The following RBFOX1 variants were observed in gnomAD, a reference collection of about 807,000 sequenced individuals.
RBFOX1 encodes the protein RNA binding fox-1 homolog 1.
Under a neutral mutation model 57.7 loss-of-function variants are expected in RBFOX1, and 8 were observed. The ratio of observed to expected loss-of-function variants is 0.14; its 90% CI spans 0.08 to 0.25. RBFOX1 has a LOEUF of 0.25. Ranked by LOEUF, RBFOX1 falls within the 10% of genes least tolerant of loss-of-function variation. The pLI, the probability that RBFOX1 is intolerant of heterozygous loss-of-function variation, is 1.00. For synonymous variants in RBFOX1, 326 were observed against 222.4 expected, an observed-to-expected ratio of 1.47 and a Z score of -4.15; for missense variants, 611 against 548.5, an observed-to-expected ratio of 1.11 and a Z score of -1.14.
At chr16:5,313,267 C>T (rs765516413) in intron 1 of RBFOX1, among the ~76,000 whole-genome samples, 3 of 152,092 alleles carry the variant, frequency 2.0e-5, no homozygotes, top group Admixed American at 6.5e-5. Flanking sequence ...CTCCAAAGTC[C>T]TCTGGGAGGT....
intron 1 of RBFOX1, among the ~76,000 whole-genome samples, chr16:6,057,782 C>T (rs1393603893): frequency 6.6e-6 from 1 of 151,082 alleles, no homozygotes; most frequent in Non-Finnish European, 1.5e-5. Context: ...TTGCCAAGCC[C>T]CCACCCCTGG....
intron 3 of RBFOX1, among the ~76,000 whole-genome samples, chr16:5,769,589 G>A (rs1323291863): frequency 3.3e-5 from 5 of 152,108 alleles, no homozygotes; most frequent in Non-Finnish European, 7.4e-5. Context: ...GAAGGAGGAG[G>A]TTGCGGTGAG....
At chr16:7,160,656 T>C (rs1045378740) in intron 4 of RBFOX1, among the ~76,000 whole-genome samples, 8 of 152,206 alleles carry the variant, frequency 5.3e-5, no homozygotes, top group African/African-American at 1.7e-4. Flanking sequence ...GTTATGTCTT[T>C]TTGAGGCATA....
intron 2 of RBFOX1, among the ~76,000 whole-genome samples, chr16:6,397,943 C>T (rs941963744): frequency 6.6e-6 from 1 of 151,940 alleles, no homozygotes; most frequent in Non-Finnish European, 1.5e-5. Context: ...CAAAATGAGA[C>T]TGAAAAAGGG....
intron 4 of RBFOX1, among the ~76,000 whole-genome samples, chr16:6,000,449 T>C (rs926394995): frequency 6.6e-6 from 1 of 152,164 alleles, no homozygotes; most frequent in African/African-American, 2.4e-5. Flanking sequence ...GGGCAGGTGG[T>C]GCTGAACACA....
chr16:7,294,502 G>T (rs975420169), intron 4 of RBFOX1, among the ~76,000 whole-genome samples: 2 of 149,252 alleles, frequency 1.3e-5, no homozygotes, highest in African/African-American at 2.5e-5. Flanking sequence ...TGCCAGAAAT[G>T]ATGATAGGAA....
intron 2 of RBFOX1, among the ~76,000 whole-genome samples, chr16:6,331,511 G>A (rs2083023892): frequency 6.6e-6 from 1 of 150,474 alleles, no homozygotes. Flanking sequence ...ATAAATGGAA[G>A]GATCCTCCAT....
intron 4 of RBFOX1, among the ~76,000 whole-genome samples, chr16:7,517,710 C>T (rs1335435875): frequency 3.9e-5 from 6 of 151,918 alleles, no homozygotes; most frequent in East Asian, 1.9e-4. Context: ...AGAACACACA[C>T]GTTCAATTTA....
intron 2 of RBFOX1, among the ~76,000 whole-genome samples, chr16:5,579,800 C>T (rs2046600136): frequency 1.3e-5 from 2 of 151,432 alleles, no homozygotes; most frequent in Admixed American, 6.6e-5. Flanking sequence ...CGCTCTGTTG[C>T]CTAGGCTGGG....
In RBFOX1 at chr16:7,311,948, A is replaced by C. The variant is rs574248048; in HGVS notation, c.28-206199A>C. Among the ~76,000 whole-genome samples the C allele has an allele frequency of 4.6e-3, 701 of 152,174 alleles. 2 individuals are homozygous for C. Among genetic ancestry groups the C allele is most frequent in the African/African-American group, 0.016 (658 of 41,504 alleles). ...ATAGTTTTTTTTTGTTTATTTGGGG[A>C]CTTAATTGCTCCTTCAGAAAAACAG... is the stretch of plus-strand genomic sequence containing the variant. On this transcript the variant is annotated intron_variant, in intron 4 of 15. Coordinates refer to ENST00000550418, the MANE Select transcript of RBFOX1 (RefSeq NM_018723.4).
At chr16:6,510,646 C>T (rs1033369810) in intron 2 of RBFOX1, among the ~76,000 whole-genome samples, 2 of 152,136 alleles carry the variant, frequency 1.3e-5, no homozygotes, top group Non-Finnish European at 2.9e-5. Context: ...TTTTAATAGT[C>T]TGTATCCCTC....
Position 7,346,359 on chromosome 16 carries a change from T to C in RBFOX1, c.28-171788T>C, listed in dbSNP as rs183195618. Among the ~76,000 whole-genome samples, 371 of 150,978 alleles carry C rather than the reference T, an allele frequency of 2.5e-3. 5 individuals carry two copies. The highest frequency in any genetic ancestry group is 6.5e-4 in the Non-Finnish European group (44 of 67,840). On this transcript the variant is annotated intron_variant, in intron 4 of 15. Transcript: ENST00000550418. ...AGGAGCATTCTACCCAAGAGGGCAGTGTATTTTCTTTAGTATTTGGTTCTA... is the reference window on the plus strand; with the variant it reads ...AGGAGCATTCTACCCAAGAGGGCAGCGTATTTTCTTTAGTATTTGGTTCTA...
At chr16:6,889,221 C>T (rs1409885431) in intron 3 of RBFOX1, among the ~76,000 whole-genome samples, 1 of 152,152 alleles carries the variant, frequency 6.6e-6, no homozygotes, top group African/African-American at 2.4e-5. Context: ...TGAGCCTTTC[C>T]ATGAAAGTGA....
In RBFOX1 at chr16:7,349,206, G is replaced by C. The variant is rs552252237; in HGVS notation, c.28-168941G>C. ...CTAAAACTTGGGTTAAAAATCAGGC[G>C]GCTCAAGAGATCAAGATATCTTCCT... On this transcript the variant is annotated intron_variant, in intron 4 of 15. Coordinates refer to ENST00000550418, the MANE Select transcript of RBFOX1 (RefSeq NM_018723.4). 1.3e-4 allele frequency among the ~76,000 whole-genome samples: 20 copies of C among 152,200 alleles called. No homozygotes were observed. The South Asian group carries it at 2.9e-3, about 22-fold the overall frequency.
intron 3 of RBFOX1, among the ~76,000 whole-genome samples, chr16:5,762,325 C>T (rs183496892): frequency 6.1e-5 from 9 of 147,800 alleles, no homozygotes; most frequent in Non-Finnish European, 1.0e-4. Flanking sequence ...AATTTTTTCT[C>T]CTAGAAATTA....
intron 1 of RBFOX1, among the ~76,000 whole-genome samples, chr16:5,251,692 A>G (rs2062457206): frequency 6.6e-6 from 1 of 152,134 alleles, no homozygotes; most frequent in Admixed American, 6.6e-5. Flanking sequence ...TTCAAATTGA[A>G]TGGAAAAGGG....
intron 3 of RBFOX1, among the ~76,000 whole-genome samples, chr16:6,781,486 G>T (rs931732046): frequency 1.3e-5 from 2 of 152,054 alleles, no homozygotes; most frequent in African/African-American, 4.8e-5. Flanking sequence ...TTTTAGAATA[G>T]TTTGAATAGA....
At chr16:7,043,590 A>G (rs1301976393) in intron 3 of RBFOX1, among the ~76,000 whole-genome samples, 1 of 152,228 alleles carries the variant, frequency 6.6e-6, no homozygotes, top group Non-Finnish European at 1.5e-5. Context: ...AATTGATTTG[A>G]TATATTGAGT....
chr16:6,828,628 C>T (rs1275103679), intron 3 of RBFOX1, among the ~76,000 whole-genome samples: 1 of 152,026 alleles, frequency 6.6e-6, no homozygotes, highest in African/African-American at 2.4e-5. Context: ...CAAGTGGACC[C>T]AACATGGTGC....
Sources: gnomAD v4.1 joint callset for allele counts (sites outside exome capture counted in the v4.1 genomes callset) on GRCh38, gnomAD v4.1.1 for gene constraint, MANE v1.5 for transcripts, NCBI Gene and HGNC (gene_info 2026-07-23, HGNC 2026-07-21) for gene names.